Variants in PIGN observed in about 807,000 individuals in gnomAD.
The protein encoded by PIGN is phosphatidylinositol glycan anchor biosynthesis class N.
PIGN carries 117 observed loss-of-function variants against 125.4 expected under a neutral mutation model. The observed-to-expected ratio is 0.93, with a 90% CI of 0.80 to 1.09. The LOEUF (loss-of-function observed/expected upper bound fraction) is 1.09, where lower values mean the gene tolerates loss of function less well. Among genes scored for constraint, PIGN ranks in the 50% least tolerant of loss-of-function variants. The probability of loss-of-function intolerance (pLI) is 0.00; values close to 1 mark genes in which losing one functional copy is unlikely to be tolerated. For missense variants in PIGN, 1,075 were observed against 1,094.9 expected (o/e 0.98, Z 0.26); for synonymous variants, 392 against 377.8 (o/e 1.04, Z -0.44).
chr18:62,055,712 A>C (rs1461405167), intron 30 of PIGN, among the ~76,000 whole-genome samples: 1 of 152,098 alleles, frequency 6.6e-6, no homozygotes, highest in Non-Finnish European at 1.5e-5. Context: ...AATCTATAAT[A>C]ATGTTAAAAT....
intron 14 of PIGN, among the ~76,000 whole-genome samples, chr18:62,117,105 T>C: frequency 6.6e-6 from 1 of 152,110 alleles, no homozygotes; most frequent in African/African-American, 2.4e-5. Flanking sequence ...ATATCAAAGA[T>C]TTGCAATATA....
intron 17 of PIGN, among the ~76,000 whole-genome samples, chr18:62,108,480 C>A (rs748274958): frequency 4.6e-5 from 7 of 152,180 alleles, no homozygotes; most frequent in Non-Finnish European, 8.8e-5. Flanking sequence ...TATGCAACAA[C>A]CCTATTCCTT....
At chr18:62,057,172 C>T (rs1241144501) in intron 30 of PIGN, among the ~76,000 whole-genome samples, 1 of 152,156 alleles carries the variant, frequency 6.6e-6, no homozygotes, top group Non-Finnish European at 1.5e-5. Flanking sequence ...TCCTTTACCA[C>T]ACAAATGTGT....
intron 12 of PIGN, 72 bp from the exon 13 acceptor site, chr18:62,139,147 C>A: frequency 1.2e-6 from 1 of 839,660 alleles, no homozygotes; most frequent in Non-Finnish European, 1.9e-6. Flanking sequence ...ACAAAACAGA[C>A]TTAAAAGCAA....
chr18:62,141,605 CAA>C (rs1404380151), intron 11 of PIGN, among the ~76,000 whole-genome samples: 1 of 152,216 alleles, frequency 6.6e-6, no homozygotes, highest in Admixed American at 6.5e-5. Context: ...TGGAAATCTC[CAA>C]AGTCTTCCTA....
At chr18:62,181,851 C>G (rs1376033394) in intron 1 of PIGN, among the ~76,000 whole-genome samples, 1 of 152,118 alleles carries the variant, frequency 6.6e-6, no homozygotes, top group Admixed American at 6.5e-5. Context: ...CTCAGCCTCC[C>G]AAGTAGCTGG....
At chr18:62,035,318 A>C (rs1264174295) in intron 23 of PIGN, among the ~76,000 whole-genome samples, 3 of 152,194 alleles carry the variant, frequency 2.0e-5, no homozygotes, top group African/African-American at 7.2e-5. Flanking sequence ...GCAATGGCAA[A>C]TTAATCTACT....
chr18:62,168,211 C>T lies in PIGN; in HGVS notation c.-235-4555G>A, dbSNP rs572467137. 3.6e-3 allele frequency among the ~76,000 whole-genome samples: 553 copies of T among 151,958 alleles called. 2 individuals are homozygous for T. Among genetic ancestry groups the T allele is most frequent in the Non-Finnish European group, 5.0e-3 (340 of 67,910 alleles). On this transcript the variant is annotated intron_variant, in intron 1 of 30. Coordinates refer to ENST00000640252, the MANE Select transcript of PIGN (RefSeq NM_176787.5). ...AAAAAAAAAAAATTCTGATTAAGTT[C>T]AATTTACCAACTTTTCTTTCTGGTT...
chr18:62,112,943 T>A (rs2034936885), intron 16 of PIGN, 191 bp downstream of exon 16: 1 of 527,992 alleles, frequency 1.9e-6, no homozygotes, highest in Non-Finnish European at 3.3e-6. Flanking sequence ...GGATCATTAT[T>A]ATCAATATAT....
intron 14 of PIGN, among the ~76,000 whole-genome samples, chr18:62,130,604 CA>C (rs1319417358): frequency 1.3e-5 from 2 of 151,970 alleles, no homozygotes; most frequent in Non-Finnish European, 2.9e-5. Context: ...TGTTACTATT[CA>C]TTTTTTTAAT....
chr18:62,161,487 T>A (rs757303562), intron 3 of PIGN, 102 bp from the exon 4 acceptor site: 5 of 582,920 alleles, frequency 8.6e-6, no homozygotes, highest in Non-Finnish European at 1.5e-5. Context: ...ATATTTTTAA[T>A]TATTATATAA....
chr18:62,125,071 T>C (rs1304461337), intron 14 of PIGN, among the ~76,000 whole-genome samples: 2 of 151,310 alleles, frequency 1.3e-5, no homozygotes, highest in African/African-American at 4.9e-5. Flanking sequence ...TGTATATAAA[T>C]ATACATGTTT....
At chr18:62,083,061 G>C (rs1393002885) in intron 27 of PIGN, among the ~76,000 whole-genome samples, 1 of 151,994 alleles carries the variant, frequency 6.6e-6, no homozygotes, top group African/African-American at 2.4e-5. Context: ...ATGTTCAAAA[G>C]ATTCCAAGAG....
At chr18:62,176,967 TA>T (rs71715715) in intron 1 of PIGN, among the ~76,000 whole-genome samples, 114,118 of 149,092 alleles carry the variant, frequency 0.77, 43,566 homozygotes, top group East Asian at 0.91. Context: ...AAATAAAAAG[TA>T]AAAAAAAAAA....
chr18:62,126,396 C>T (rs2035536539), intron 14 of PIGN, among the ~76,000 whole-genome samples: 1 of 151,966 alleles, frequency 6.6e-6, no homozygotes, highest in Non-Finnish European at 1.5e-5. Flanking sequence ...CAGAAAATAT[C>T]ATTTTATATT....
chr18:62,185,611 G>A (rs1568270230), intron 1 of PIGN, among the ~76,000 whole-genome samples: 1 of 33,670 alleles, frequency 3.0e-5, no homozygotes, highest in Non-Finnish European at 8.1e-5. Context: ...GGAGCTAACG[G>A]GAGATACTTT....
At position 62,127,300 on chromosome 18, in the gene PIGN, A is replaced by G. The variant is rs377437815; in HGVS notation, c.1172+10943T>C. Among the ~76,000 whole-genome samples, 14 of 152,346 alleles carry G rather than the reference A, an allele frequency of 9.2e-5. No individual in the cohort carries two copies. In the East Asian group the frequency reaches 1.3e-3, roughly 15 times the overall value. On this transcript the variant is annotated intron_variant, in intron 14 of 30. Coordinates refer to ENST00000640252, the MANE Select transcript of PIGN (RefSeq NM_176787.5). ...CATAGCTTAACCTAGCCTATCTTAA[A>G]TGTACTCAGAATATTTACATCAGGC...
intron 1 of PIGN, among the ~76,000 whole-genome samples, chr18:62,185,314 TC>T (rs1179470869): frequency 1.3e-5 from 2 of 152,198 alleles, no homozygotes; most frequent in Admixed American, 6.5e-5. Flanking sequence ...GGGATTTTTT[TC>T]CCCATGTTTT....
At chr18:62,169,545 G>A (rs1449720513) in intron 1 of PIGN, among the ~76,000 whole-genome samples, 3 of 152,044 alleles carry the variant, frequency 2.0e-5, no homozygotes, top group South Asian at 2.1e-4. Context: ...GATGACAGGC[G>A]TGAGTCACTG....
Sources: gnomAD v4.1 joint callset for allele counts (sites outside exome capture counted in the v4.1 genomes callset) on GRCh38, gnomAD v4.1.1 for gene constraint, MANE v1.5 for transcripts, NCBI Gene and HGNC (gene_info 2026-07-23, HGNC 2026-07-21) for gene names.